The following CABIN1 variants were observed in gnomAD, a reference collection of about 807,000 sequenced individuals.
CABIN1 encodes the protein calcineurin-binding protein cabin-1.
Under a neutral mutation model 227.7 loss-of-function variants are expected in CABIN1, and 133 were observed. That is an observed-to-expected ratio of 0.58 (90% CI 0.51 to 0.67). The LOEUF (loss-of-function observed/expected upper bound fraction) is 0.67. CABIN1 is among the 30% of genes least tolerant of loss of function. CABIN1 has a pLI of 0.00. For synonymous variants in CABIN1, 1,086 were observed against 1,155.1 expected (o/e 0.94, Z 1.21); for missense variants, 2,408 against 2,852.5 (o/e 0.84, Z 3.55).
intron 1 of CABIN1, among the ~76,000 whole-genome samples, chr22:24,024,902 C>T (rs1733486004): frequency 6.6e-6 from 1 of 151,872 alleles, no homozygotes; most frequent in South Asian, 2.1e-4. Context: ...CATTATTTTC[C>T]TTATTTCCTT....
intron 29 of CABIN1, among the ~76,000 whole-genome samples, chr22:24,147,941 C>T (rs1444027902): frequency 6.6e-6 from 1 of 152,158 alleles, no homozygotes; most frequent in Non-Finnish European, 1.5e-5. Flanking sequence ...CACTCACATT[C>T]AGGAAAGCCT....
chr22:24,090,223 A>G (rs1018797366), intron 23 of CABIN1, among the ~76,000 whole-genome samples: 2 of 152,312 alleles, frequency 1.3e-5, no homozygotes, highest in African/African-American at 4.8e-5. Context: ...GCCAGCCCAG[A>G]TGGGCCACTT....
chr22:24,079,462 T>C (rs942477043), intron 19 of CABIN1, among the ~76,000 whole-genome samples: 3 of 152,198 alleles, frequency 2.0e-5, no homozygotes, highest in Non-Finnish European at 4.4e-5. Context: ...TTGTTAACTT[T>C]AAAAATTTTA....
rs1316351102 is a variant in CABIN1, at chr22:24,019,117, G to GTT, written c.-75+7751_-75+7752dup. ...CTTATATTGTGCAACTTCACTGAGT[G>GTT]TTGTTTTTTTTTTTTTTTTTTTTTT... is the stretch of plus-strand genomic sequence containing the variant. On this transcript the variant is annotated intron_variant, in intron 1 of 36. Transcript: ENST00000263119. 5.7e-4 allele frequency among the ~76,000 whole-genome samples: 56 copies of GTT among 97,960 alleles called. 1 individual carries two copies. The highest frequency in any genetic ancestry group is 8.1e-3 in the Middle Eastern group (1 of 124). 64.3% of individuals were successfully genotyped at this position (97,960 alleles called of 152,430 possible). A position where few individuals can be genotyped will look rare whatever the true frequency, so the allele number is the denominator to read the frequency against.
chr22:24,139,372 C>T (rs1042785667), intron 29 of CABIN1, among the ~76,000 whole-genome samples: 2 of 152,082 alleles, frequency 1.3e-5, no homozygotes, highest in Non-Finnish European at 2.9e-5. Context: ...GTCAGAAGTT[C>T]GAGACCAGCC....
Position 24,059,971 on chromosome 22 carries a change from G to T in CABIN1, c.1447G>T (p.Gly483Cys), listed in dbSNP as rs1224328500. Residue 483 changes from glycine to cysteine, a missense_variant, in exon 12 of 37, where the codon GGC becomes TGC. Gly to Cys is a radical substitution (Grantham distance 159). Coordinates refer to ENST00000263119, the MANE Select transcript of CABIN1 (RefSeq NM_012295.4). ...CCTGCTGGAGAACCTAACCAACGGG[G>T]GCATCCTGGAGCTGATGATGCGCTA... is the stretch of plus-strand genomic sequence containing the variant. ...EFLLENLTNG[G>C]ILELMMRYLK... 3.1e-6 allele frequency: 5 copies of T among 1,614,102 alleles called. No individual in the cohort carries two copies. Among genetic ancestry groups the T allele is most frequent in the African/African-American group, 1.3e-5 (1 of 74,914 alleles).
chr22:24,096,171 T>C lies in CABIN1; in HGVS notation c.3938+89T>C, dbSNP rs2041882896. 28 of 1,452,680 alleles carry C rather than the reference T, an allele frequency of 1.9e-5. No homozygotes were observed. The Middle Eastern group carries it at 6.3e-4, about 33-fold the overall frequency. 90.0% of individuals were successfully genotyped at this position (1,452,680 alleles called of 1,614,324 possible). A position where few individuals can be genotyped will look rare whatever the true frequency, so the allele number is the denominator to read the frequency against. On this transcript the variant is annotated intron_variant, in intron 25 of 36. Coordinates refer to ENST00000263119, the MANE Select transcript of CABIN1 (RefSeq NM_012295.4). Reference sequence around the variant, plus strand: ...TACTGCAATGTGTTGTTCAGAGGGTTGCTACACAGTAAACAGTAAACTAGA... The same window carrying C: ...TACTGCAATGTGTTGTTCAGAGGGTCGCTACACAGTAAACAGTAAACTAGA...
chr22:24,036,968 A>G (rs1446183497), intron 3 of CABIN1, among the ~76,000 whole-genome samples: 1 of 152,106 alleles, frequency 6.6e-6, no homozygotes, highest in African/African-American at 2.4e-5. Context: ...GTAGAAAAAC[A>G]TGGAAACCAG....
chr22:24,172,073 T>C (rs990857277), intron 34 of CABIN1, 78 bp downstream of exon 34: 5 of 1,514,164 alleles, frequency 3.3e-6, no homozygotes, highest in Admixed American at 1.9e-5. Context: ...AGTGTGAGTA[T>C]GGGTAAGGGA....
At chr22:24,029,777 A>G (rs950954606) in intron 1 of CABIN1, among the ~76,000 whole-genome samples, 4 of 152,160 alleles carry the variant, frequency 2.6e-5, no homozygotes, top group South Asian at 2.1e-4. Flanking sequence ...ATGAGTCTAT[A>G]TGAGAATCAT....
chr22:24,074,717 G>T (rs1389263017), intron 18 of CABIN1, among the ~76,000 whole-genome samples: 1 of 152,200 alleles, frequency 6.6e-6, no homozygotes, highest in African/African-American at 2.4e-5. Flanking sequence ...CTAAGACAGG[G>T]TTTATAAGGA....
intron 29 of CABIN1, among the ~76,000 whole-genome samples, chr22:24,154,865 G>A (rs1213251828): frequency 6.6e-6 from 1 of 152,198 alleles, no homozygotes; most frequent in African/African-American, 2.4e-5. Context: ...AGGCCAGGTG[G>A]AAACCAGCCA....
chr22:24,094,594 G>A (rs2041761499), intron 24 of CABIN1, among the ~76,000 whole-genome samples: 1 of 151,556 alleles, frequency 6.6e-6, no homozygotes, highest in African/African-American at 2.4e-5. Context: ...GAGGCGGGTG[G>A]ATCATGAGGT....
rs368310210 is a variant in CABIN1 at position 24,113,702 on chromosome 22, A to G, written c.4254A>G (p.Gln1418=). ...TEKRLPILSS[Q]AGATGKDLQG... ...AGAGGCTGCCCATTCTCAGTTCCCA[A>G]GCAGGAGCGACGGGTAAAGATCTTC... is the stretch of plus-strand genomic sequence containing the variant. Residue 1418 remains glutamine, a synonymous_variant, in exon 27 of 37, where the codon CAA becomes CAG. Coordinates refer to ENST00000263119, the MANE Select transcript of CABIN1 (RefSeq NM_012295.4). 5.0e-6 allele frequency: 8 copies of G among 1,613,884 alleles called. No homozygotes were observed. Among genetic ancestry groups the G allele is most frequent in the African/African-American group, 4.0e-5 (3 of 74,924 alleles).
chr22:24,098,238 A>T (rs756334974), intron 26 of CABIN1, 46 bp downstream of exon 26: 1 of 1,398,234 alleles, frequency 7.2e-7, no homozygotes, highest in South Asian at 1.1e-5. Context: ...CGGCACATCA[A>T]TCACGGGGGG....
At chr22:24,059,573 C>T (rs2039042327) in intron 11 of CABIN1, among the ~76,000 whole-genome samples, 1 of 152,180 alleles carries the variant, frequency 6.6e-6, no homozygotes, top group Non-Finnish European at 1.5e-5. Flanking sequence ...TTTCTTATGG[C>T]CAAATTCAGA....
At chr22:24,070,760 G>T in intron 16 of CABIN1, 40 bp from the exon 17 acceptor site, 1 of 1,613,802 alleles carries the variant, frequency 6.2e-7, no homozygotes, top group South Asian at 1.1e-5. Context: ...CAGATGTGCT[G>T]AGCTCACCGT....
rs374513020 is a variant in CABIN1, at chr22:24,178,249, T to A, written c.*53T>A. 1,507 of 1,607,154 alleles carry A rather than the reference T, an allele frequency of 9.4e-4. 25 individuals carry two copies. The South Asian group carries it at 0.016, about 17-fold the overall frequency. Reference sequence around the variant, plus strand: ...CCCAGGGGACCAGCCAGGCCTGGAATGCCCCCTGGGCAGGACCCTGGGCAG... The same window carrying A: ...CCCAGGGGACCAGCCAGGCCTGGAAAGCCCCCTGGGCAGGACCCTGGGCAG... On this transcript the variant is annotated 3_prime_UTR_variant, in exon 37 of 37. Coordinates refer to ENST00000263119, the MANE Select transcript of CABIN1 (RefSeq NM_012295.4).
intron 26 of CABIN1, among the ~76,000 whole-genome samples, chr22:24,112,576 C>T (rs1253726094): frequency 6.6e-6 from 1 of 152,060 alleles, no homozygotes; most frequent in Admixed American, 6.6e-5. Flanking sequence ...CAGTGCATGC[C>T]AGCCTAGGGT....
Sources: allele counts gnomAD v4.1 joint callset (sites outside exome capture counted in the v4.1 genomes callset), GRCh38; gene constraint gnomAD v4.1.1; transcripts MANE v1.5; gene names NCBI Gene and HGNC (gene_info 2026-07-23, HGNC 2026-07-21).